The following ETNK1 variants were observed in gnomAD, a reference collection of about 807,000 sequenced individuals.
ETNK1 encodes ethanolamine kinase 1.
In ETNK1, 8 loss-of-function variants were observed where a neutral mutation model predicts 45.1. The ratio of observed to expected loss-of-function variants is 0.18; its 90% CI spans 0.10 to 0.32. The LOEUF (loss-of-function observed/expected upper bound fraction) is 0.32, where lower values mean the gene tolerates loss of function less well. Among genes scored for constraint, ETNK1 ranks in the 10% least tolerant of loss-of-function variants. The pLI, the probability that ETNK1 is intolerant of heterozygous loss-of-function variation, is 1.00. For missense variants in ETNK1, 302 were observed against 430.6 expected (o/e 0.70, Z 2.64); for synonymous variants, 152 against 151.9 (o/e 1.00, Z -0.01).
At chr12:22,663,026 A>T (rs987567601) in intron 4 of ETNK1, among the ~76,000 whole-genome samples, 1 of 152,190 alleles carries the variant, frequency 6.6e-6, no homozygotes, top group Non-Finnish European at 1.5e-5. Context: ...AAACATACTG[A>T]GCTAACATTT....
intron 1 of ETNK1, chr12:22,638,984 A>G (rs1463571755): frequency 6.6e-6 from 1 of 152,162 alleles, no homozygotes; most frequent in African/African-American, 2.4e-5. Flanking sequence ...ATGTCTAAGT[A>G]CTGTTTAATA....
rs748123099 is a variant in ETNK1, at chr12:22,659,050, T to A, written c.453T>A (p.Ile151=). Residue 151 remains isoleucine, a synonymous_variant, in exon 3 of 8, where the codon ATT becomes ATA. Coordinates refer to ENST00000266517, the MANE Select transcript of ETNK1 (RefSeq NM_018638.5). The part of the protein sequence containing the change: ...IARQLAKIHA[I]HAHNGWIPKS... ...GTCAGCTTGCTAAAATCCATGCTAT[T>A]CATGCACACAATGGCTGGATCCCCA... 2 of 1,613,992 alleles carry A rather than the reference T, an allele frequency of 1.2e-6. No homozygotes were observed. Among genetic ancestry groups the A allele is most frequent in the East Asian group, 2.2e-5 (1 of 44,872 alleles).
At chr12:22,666,252 A>G (rs1047301255) in intron 4 of ETNK1, among the ~76,000 whole-genome samples, 2 of 152,150 alleles carry the variant, frequency 1.3e-5, no homozygotes, top group African/African-American at 4.8e-5. Context: ...CCTTCAGTGA[A>G]ATGACATCCT....
At chr12:22,676,697 C>T (rs376238001) in intron 6 of ETNK1, among the ~76,000 whole-genome samples, 1 of 151,986 alleles carries the variant, frequency 6.6e-6, no homozygotes, top group East Asian at 1.9e-4. Flanking sequence ...TAATGATCAC[C>T]ATTCTAACTG....
At chr12:22,670,882 G>A (rs981544649) in intron 4 of ETNK1, among the ~76,000 whole-genome samples, 8 of 152,114 alleles carry the variant, frequency 5.3e-5, no homozygotes, top group Non-Finnish European at 1.0e-4. Context: ...TAAAGTTTTT[G>A]TTAAAATTAC....
chr12:22,674,396 C>T (rs1359011669), intron 6 of ETNK1, among the ~76,000 whole-genome samples: 1 of 152,112 alleles, frequency 6.6e-6, no homozygotes, highest in Non-Finnish European at 1.5e-5. Flanking sequence ...CAGATAGACC[C>T]TAGTGGTATA....
intron 1 of ETNK1, among the ~76,000 whole-genome samples, chr12:22,641,133 G>A (rs1953730702): frequency 6.6e-6 from 1 of 152,158 alleles, no homozygotes; most frequent in Admixed American, 6.5e-5. Flanking sequence ...AAACTCACCT[G>A]TAGCTGAAGA....
rs1350001303 is a variant in ETNK1 at position 22,689,278 on chromosome 12, G to A, written c.*4324G>A. On this transcript the variant is annotated 3_prime_UTR_variant, in exon 8 of 8. Transcript: ENST00000266517. Reference sequence around the variant, plus strand: ...TGTTTTAAACTATTTTGTGTTTGACGCATCAAACTTCAAGTTTTTTGTAAG... The same window carrying A: ...TGTTTTAAACTATTTTGTGTTTGACACATCAAACTTCAAGTTTTTTGTAAG... 3 of 151,876 alleles carry A rather than the reference G, an allele frequency of 2.0e-5. No individual in the cohort carries two copies. The highest frequency in any genetic ancestry group is 1.9e-4 in the East Asian group (1 of 5,180). 9.4% of individuals were successfully genotyped at this position (151,876 alleles called of 1,614,324 possible).
intron 5 of ETNK1, 45 bp from the exon 6 acceptor site, chr12:22,673,455 G>A (rs1203756259): frequency 1.3e-6 from 2 of 1,484,798 alleles, no homozygotes; most frequent in Non-Finnish European, 1.8e-6. Flanking sequence ...ATGCAGAAGA[G>A]TTTATGTTTT....
At chr12:22,636,018 A>G (rs1953651682) in intron 1 of ETNK1, among the ~76,000 whole-genome samples, 1 of 152,038 alleles carries the variant, frequency 6.6e-6, no homozygotes, top group Admixed American at 6.6e-5. Flanking sequence ...AAAAATGCAA[A>G]AAGTTAGTGG....
At chr12:22,664,090 T>G (rs189778191) in intron 4 of ETNK1, among the ~76,000 whole-genome samples, 3 of 152,116 alleles carry the variant, frequency 2.0e-5, no homozygotes, top group African/African-American at 4.8e-5. Context: ...GTAATTTAAC[T>G]ATATGACATG....
intron 1 of ETNK1, among the ~76,000 whole-genome samples, chr12:22,632,524 T>G (rs770795467): frequency 5.9e-5 from 9 of 152,106 alleles, no homozygotes; most frequent in Non-Finnish European, 1.3e-4. Flanking sequence ...ACTTTTTTTT[T>G]TAAGAGATGG....
chr12:22,625,758 C>T (rs758612496), intron 1 of ETNK1, 172 bp downstream of exon 1: 7 of 986,928 alleles, frequency 7.1e-6, no homozygotes, highest in African/African-American at 3.2e-5. Flanking sequence ...GGTCACTCCC[C>T]CTTCCCGTCG....
At chr12:22,658,677 G>A (rs1317284661) in intron 2 of ETNK1, among the ~76,000 whole-genome samples, 2 of 152,140 alleles carry the variant, frequency 1.3e-5, no homozygotes, top group Admixed American at 1.3e-4. Context: ...GAGCAGGGTC[G>A]GGGTTGGCGG....
At chr12:22,681,376 C>T (rs1194949221) in intron 6 of ETNK1, among the ~76,000 whole-genome samples, 1 of 151,900 alleles carries the variant, frequency 6.6e-6, no homozygotes, top group Non-Finnish European at 1.5e-5. Flanking sequence ...TTTTAAAATG[C>T]AGAATGACTC....
Position 22,690,469 on chromosome 12 carries a change from A to T in ETNK1, c.*5515A>T. 6.6e-6 allele frequency: 1 copy of T among 152,560 alleles called. No individual in the cohort carries two copies. Among genetic ancestry groups the T allele is most frequent in the East Asian group, 1.9e-4 (1 of 5,200 alleles). The allele number at this position is 152,560 out of a possible 1,614,324, so 9.5% of individuals were successfully genotyped here. A position where few individuals can be genotyped will look rare whatever the true frequency, so the allele number is the denominator to read the frequency against. ...TCATTCATGTAACTGGTTAAGTAAA[A>T]ATACATTTTCACTATGTGTTCATAA... On this transcript the variant is annotated 3_prime_UTR_variant, in exon 8 of 8. Coordinates refer to ENST00000266517, the MANE Select transcript of ETNK1 (RefSeq NM_018638.5).
chr12:22,638,255 G>GTTT (rs35937176), intron 1 of ETNK1, among the ~76,000 whole-genome samples: 1 of 142,914 alleles, frequency 7.0e-6, no homozygotes, highest in Non-Finnish European at 1.5e-5. Context: ...TTAAGGTGGG[G>GTTT]TTTTTTTTTT....
intron 1 of ETNK1, 160 bp downstream of exon 1, chr12:22,625,746 A>T: frequency 9.3e-7 from 1 of 1,079,342 alleles, no homozygotes; most frequent in Non-Finnish European, 1.4e-6. Flanking sequence ...CACACCTAGG[A>T]GGGTCACTCC....
chr12:22,688,008 G>T lies in ETNK1; in HGVS notation c.*3054G>T, dbSNP rs1479750258. ...ATTTTTTAGTTAGCCGTTAGGTTTT[G>T]TGAGGTTAGATTCCTGGAAGCAGTG... On this transcript the variant is annotated 3_prime_UTR_variant, in exon 8 of 8. Transcript: ENST00000266517. 6.6e-6 allele frequency: 1 copy of T among 152,150 alleles called. No homozygotes were observed. 9.4% of individuals were successfully genotyped at this position (152,150 alleles called of 1,614,324 possible).
Sources: allele counts gnomAD v4.1 joint callset (sites outside exome capture counted in the v4.1 genomes callset), GRCh38; gene constraint gnomAD v4.1.1; transcripts MANE v1.5; gene names NCBI Gene and HGNC (gene_info 2026-07-23, HGNC 2026-07-21).